The following MICALL2 variants were observed in gnomAD, a reference collection of about 807,000 sequenced individuals.
MICALL2 encodes MICAL like 2, also known as MICAL-like protein 2.
Under a neutral mutation model 91.1 loss-of-function variants are expected in MICALL2, and 111 were observed. The ratio of observed to expected loss-of-function variants is 1.22; its 90% confidence interval spans 1.04 to 1.43. The LOEUF is 1.43. Ranked by LOEUF, MICALL2 falls within the 40% of genes most tolerant of loss-of-function variation. The pLI, the probability that MICALL2 is intolerant of heterozygous loss-of-function variation, is 0.00. For missense variants in MICALL2, 1,556 were observed against 1,236.0 expected (o/e 1.26, Z -3.88); for synonymous variants, 694 against 525.3 (o/e 1.32, Z -4.39).
At position 1,446,742 on chromosome 7, in the gene MICALL2, G is replaced by A. The variant is rs770213077; in HGVS notation, c.612C>T (p.Asp204=). 1.6e-5 allele frequency: 25 copies of A among 1,606,102 alleles called. No individual in the cohort carries two copies. The African/African-American group carries it at 2.1e-4, about 14-fold the overall frequency. Residue 204 remains aspartate, a synonymous_variant, in exon 5 of 17, where the codon GAC becomes GAT. Coordinates refer to ENST00000297508, the MANE Select transcript of MICALL2 (RefSeq NM_182924.4). ...HVHLVQRHLA[D]GRLYHRSCFR... ...AGCAGCTCCGGTGGTAAAGCCTCCC[G>A]TCGGCCAGGTGCCGCTGTACCAGGT...
At chr7:1,454,298 G>A (rs925542548) in intron 1 of MICALL2, among the ~76,000 whole-genome samples, 3 of 152,164 alleles carry the variant, frequency 2.0e-5, no homozygotes, top group Non-Finnish European at 4.4e-5. Context: ...GACAGAGAGA[G>A]CTGGAGAGAG....
intron 6 of MICALL2, among the ~76,000 whole-genome samples, chr7:1,443,278 T>G (rs1780401221): frequency 6.7e-6 from 1 of 149,636 alleles, no homozygotes; most frequent in Non-Finnish European, 1.5e-5. Flanking sequence ...CACCCCCCAG[T>G]GCCAGGAGGA....
chr7:1,445,262 A>T lies in MICALL2; in HGVS notation c.808T>A (p.Ser270Thr). 1 of 1,612,432 alleles carries T rather than the reference A, an allele frequency of 6.2e-7. No homozygotes were observed. The highest frequency in any genetic ancestry group is 8.5e-7 in the Non-Finnish European group (1 of 1,179,842). ...PGAMGVDSRT[S>T]CSPQKAQEAN... is the part of the protein sequence containing the mutation. ...TCCTGGGCCTTCTGTGGGGAACAGG[A>T]GGTCCTGGAATCCACACCCATGGCC... is the stretch of plus-strand genomic sequence containing the variant. The change falls in exon 6 of 17, where the codon TCC becomes ACC. Residue 270 changes from serine to threonine, a missense_variant. Transcript: ENST00000297508.
At chr7:1,436,671 C>T (rs1047200346) in intron 15 of MICALL2, 71 bp downstream of exon 15, 31 of 1,194,258 alleles carry the variant, frequency 2.6e-5, no homozygotes, top group Middle Eastern at 2.8e-4. Flanking sequence ...GGCTGGCTGA[C>T]CCTGAGGGCC....
chr7:1,438,119 C>G lies in MICALL2; in HGVS notation c.2289G>C (p.Lys763Asn). ...CACCTCCCTCGGCCGCCCGCAGTCG[C>G]TTCTCCAGCTCCACGCCGCGGAGCT... Reference protein sequence around the residue: ...ALELRGVELEKRLRAAEGDDA... With the variant: ...ALELRGVELENRLRAAEGDDA... Residue 763 changes from lysine (K) to asparagine (N), a missense_variant, in exon 12 of 17, where the codon AAG (lysine) becomes AAC (asparagine). Coordinates refer to ENST00000297508, the MANE Select transcript of MICALL2 (RefSeq NM_182924.4). 1 of 1,563,802 alleles carries G rather than the reference C, an allele frequency of 6.4e-7. No homozygotes were observed. The highest frequency in any genetic ancestry group is 8.7e-7 in the Non-Finnish European group (1 of 1,154,980).
rs143804396 is a variant in MICALL2 at position 1,447,749 on chromosome 7, G to A, written c.351C>T (p.Gly117=). The change falls in exon 4 of 17, where the codon GGC becomes GGT. Residue 117 remains glycine (G), a synonymous_variant. Coordinates refer to ENST00000297508, the MANE Select transcript of MICALL2 (RefSeq NM_182924.4). The part of the protein sequence containing the change: ...HGRSPIGGMA[G]VKRASEDSEE... ...CAGAGTCCTCCGAGGCCCTCTTCAC[G>A]CCTGCCATGCCCCCAACTGGAGGAA... is the stretch of plus-strand genomic sequence containing the variant. 162 of 1,544,344 alleles carry A rather than the reference G, an allele frequency of 1.0e-4. No individual in the cohort carries two copies. The highest frequency in any genetic ancestry group is 1.3e-4 in the Non-Finnish European group (147 of 1,143,594).
chr7:1,455,464 G>C (rs1186960217), intron 1 of MICALL2, among the ~76,000 whole-genome samples: 1 of 152,194 alleles, frequency 6.6e-6, no homozygotes, highest in Non-Finnish European at 1.5e-5. Flanking sequence ...CCAGGCAGGG[G>C]ACCCGCCCAC....
At chr7:1,439,231 G>A (rs1584201954) in intron 9 of MICALL2, 6 of 525,394 alleles carry the variant, frequency 1.1e-5, no homozygotes, top group African/African-American at 1.9e-5. Context: ...CACACAGGAA[G>A]TGGCACGAGA....
chr7:1,443,659 A>G (rs560733255), intron 6 of MICALL2, among the ~76,000 whole-genome samples: 127 of 152,328 alleles, frequency 8.3e-4, no homozygotes, highest in African/African-American at 2.9e-3. Context: ...AGAAGGCCAC[A>G]TGGAAACGGA....
Position 1,434,594 on chromosome 7 carries a change from T to A in MICALL2, c.*2A>T. 1 of 1,608,130 alleles carries A rather than the reference T, an allele frequency of 6.2e-7. No individual in the cohort carries two copies. Among genetic ancestry groups the A allele is most frequent in the Non-Finnish European group, 8.5e-7 (1 of 1,177,230 alleles). On this transcript the variant is annotated 3_prime_UTR_variant, in exon 17 of 17. Coordinates refer to ENST00000297508, the MANE Select transcript of MICALL2 (RefSeq NM_182924.4). ...GGGCCGAGCCCACGGCCCTACTGGC[T>A]ACTACTGGGAGGGGCTGCTTTTGCT...
rs117783605 is a variant in MICALL2, at chr7:1,441,483, G to A, written c.1711+709C>T. The A allele has an allele frequency of 2.1e-3, 325 of 153,016 alleles. 2 individuals carry two copies. The highest frequency in any genetic ancestry group is 3.9e-3 in the Non-Finnish European group (268 of 68,596). The allele number at this position is 153,016 out of a possible 1,614,324, so 9.5% of individuals were successfully genotyped here. On this transcript the variant is annotated intron_variant, in intron 7 of 16. Coordinates refer to ENST00000297508, the MANE Select transcript of MICALL2 (RefSeq NM_182924.4). ...CAGCCAGTTGCCTAGAAGAAAGCTC[G>A]CTCCCTGTTCCCGAAAACACGTGAG... is the stretch of plus-strand genomic sequence containing the variant.
In MICALL2 at chr7:1,439,032, G is replaced by A. The variant is rs773078409; in HGVS notation, c.1967-37C>T. 1.3e-5 allele frequency: 19 copies of A among 1,516,936 alleles called. No individual in the cohort carries two copies. In the South Asian group the frequency reaches 1.5e-4, roughly 12 times the overall value. The allele number at this position is 1,516,936 out of a possible 1,614,324, so 94.0% of individuals were successfully genotyped here. A position where few individuals can be genotyped will look rare whatever the true frequency, so the allele number is the denominator to read the frequency against. On this transcript the variant is annotated intron_variant, in intron 9 of 16. Transcript: ENST00000297508. ...TGGGGAGACAGAGCCACGCTTCAGA[G>A]CAGGGCCACTGGGAGCCTGGGGTCT...
chr7:1,447,498 C>T (rs1014303227), intron 4 of MICALL2, 77 bp downstream of exon 4: 28 of 902,250 alleles, frequency 3.1e-5, no homozygotes, highest in Admixed American at 2.6e-4. Context: ...AGGGGCCGCA[C>T]GTAGTCCCAC....
chr7:1,443,633 G>A (rs1028408594), intron 6 of MICALL2, among the ~76,000 whole-genome samples: 3 of 152,156 alleles, frequency 2.0e-5, no homozygotes, highest in Non-Finnish European at 2.9e-5. Flanking sequence ...GACAGAAGAG[G>A]AGAAGACAGA....
At chr7:1,457,881 C>T (rs1425775405) in intron 1 of MICALL2, among the ~76,000 whole-genome samples, 3 of 152,270 alleles carry the variant, frequency 2.0e-5, no homozygotes, top group Non-Finnish European at 4.4e-5. Flanking sequence ...GTCTCGCCTG[C>T]CTTCCTCCCC....
chr7:1,446,618 GGGA>G (rs774119915), intron 5 of MICALL2, 92 bp downstream of exon 5: 4 of 820,928 alleles, frequency 4.9e-6, no homozygotes, highest in East Asian at 2.7e-5. Context: ...ACGAGGAGCG[GGGA>G]GGAGGAGGCC....
chr7:1,437,055 C>T, intron 14 of MICALL2, 199 bp from the exon 15 acceptor site: 1 of 502,194 alleles, frequency 2.0e-6, no homozygotes, highest in Non-Finnish European at 3.5e-6. Context: ...GTGCTGGGAT[C>T]CTTCCCCATC....
rs979270857 is a variant in MICALL2, at chr7:1,450,564, C to T, written c.144-276G>A. ...CCGCCCCTCACCAGTGCTCCTGCCA[C>T]AGTCAGAGGTGGCAGGAAGCAGGCC... On this transcript the variant is annotated intron_variant, in intron 1 of 16. Transcript: ENST00000297508. 1.9e-5 allele frequency: 8 copies of T among 415,534 alleles called. No homozygotes were observed. The East Asian group carries it at 3.2e-4, about 17-fold the overall frequency. The allele number at this position is 415,534 out of a possible 1,614,324, so 25.7% of individuals were successfully genotyped here.
chr7:1,459,288 C>CTGCCGGCACCACTGT lies in MICALL2; in HGVS notation c.24_38dup (p.Trp10_Gln14dup). The stretch of plus-strand genomic sequence containing the variant: ...TCACGTCGCGGTAGCCCTCGCACTG[C>CTGCCGGCACCACTGT]TGCCGGCACCACTGTTGCAGCGCCC... On this transcript the variant is annotated inframe_insertion, in exon 1 of 17. Transcript: ENST00000297508. The CTGCCGGCACCACTGT allele has an allele frequency of 1.2e-6, 2 of 1,601,296 alleles. No individual in the cohort carries two copies. Among genetic ancestry groups the CTGCCGGCACCACTGT allele is most frequent in the Non-Finnish European group, 1.7e-6 (2 of 1,175,174 alleles).
Sources: allele counts gnomAD v4.1 joint callset (sites outside exome capture counted in the v4.1 genomes callset), GRCh38; gene constraint gnomAD v4.1.1; transcripts MANE v1.5; gene names NCBI Gene and HGNC (gene_info 2026-07-23, HGNC 2026-07-21).